The following QKI variants were observed in gnomAD, a reference collection of about 807,000 sequenced individuals.
QKI encodes the protein QKI, KH domain containing RNA binding, also known as KH domain-containing RNA-binding protein QKI.
QKI carries 10 observed loss-of-function variants against 39.0 expected under a neutral mutation model. That is an observed-to-expected ratio of 0.26 (90% CI 0.16 to 0.43). The LOEUF is 0.43. Among genes scored for constraint, QKI ranks in the 20% least tolerant of loss-of-function variants. The pLI is 1.00. For missense variants in QKI, 218 were observed against 428.0 expected (o/e 0.51, Z 4.33); for synonymous variants, 204 against 155.4 (o/e 1.31, Z -2.33).
chr6:163,499,955 C>G (rs1004418607), intron 3 of QKI, among the ~76,000 whole-genome samples: 2 of 152,062 alleles, frequency 1.3e-5, no homozygotes, highest in African/African-American at 4.8e-5. Flanking sequence ...AGGCTTTTAA[C>G]TAGGAGGGCC....
intron 3 of QKI, among the ~76,000 whole-genome samples, chr6:163,520,838 TATG>T (rs1345652060): frequency 6.6e-5 from 10 of 152,166 alleles, no homozygotes; most frequent in Admixed American, 6.5e-4. Context: ...CTAATCAAAT[TATG>T]ATGAAGGGTT....
At chr6:163,466,702 C>G (rs961683263) in intron 2 of QKI, among the ~76,000 whole-genome samples, 2 of 152,114 alleles carry the variant, frequency 1.3e-5, no homozygotes, top group African/African-American at 4.8e-5. Context: ...CCCTTACTTA[C>G]ACCGTACATA....
At chr6:163,521,030 G>GT (rs137916862) in intron 3 of QKI, among the ~76,000 whole-genome samples, 1 of 151,970 alleles carries the variant, frequency 6.6e-6, no homozygotes, top group Non-Finnish European at 1.5e-5. Flanking sequence ...ATTACCCTTG[G>GT]TTTTTTTCTG....
chr6:163,415,159 CGGCGGCGGG>C lies in QKI; in HGVS notation c.-34_-26del, dbSNP rs1313980470. ...CCCTCCTCTCCGGCGGCGGCGGCGGCGGCGGCGGGCGGAGTGAGCTGCGGAGCCTGGAAT... is the reference window on the plus strand; with the variant it reads ...CCCTCCTCTCCGGCGGCGGCGGCGGCCGGAGTGAGCTGCGGAGCCTGGAAT... On this transcript the variant is annotated 5_prime_UTR_variant, in exon 1 of 8. Coordinates refer to ENST00000361752, the MANE Select transcript of QKI (RefSeq NM_006775.3). 1 of 1,410,232 alleles carries C rather than the reference CGGCGGCGGG, an allele frequency of 7.1e-7. No homozygotes were observed. Among genetic ancestry groups the C allele is most frequent in the Admixed American group, 2.2e-5 (1 of 44,612 alleles). 87.4% of individuals were successfully genotyped at this position (1,410,232 alleles called of 1,614,324 possible).
intron 1 of QKI, among the ~76,000 whole-genome samples, chr6:163,443,566 T>C (rs377053831): frequency 5.3e-5 from 8 of 152,096 alleles, no homozygotes; most frequent in Non-Finnish European, 8.8e-5. Flanking sequence ...CTCAAAACAA[T>C]AACAACAACA....
intron 1 of QKI, among the ~76,000 whole-genome samples, chr6:163,443,109 A>C (rs1293661444): frequency 6.6e-6 from 1 of 152,232 alleles, no homozygotes; most frequent in Non-Finnish European, 1.5e-5. Context: ...CCATATTAAA[A>C]TAATGTTTTC....
At chr6:163,545,168 T>A (rs1486529558) in intron 4 of QKI, among the ~76,000 whole-genome samples, 6 of 152,122 alleles carry the variant, frequency 3.9e-5, no homozygotes, top group Non-Finnish European at 7.4e-5. Context: ...GGAAAAATGA[T>A]GGCGGAGAAA....
intron 4 of QKI, among the ~76,000 whole-genome samples, chr6:163,536,588 T>G (rs1250744720): frequency 1.3e-5 from 2 of 152,196 alleles, no homozygotes; most frequent in African/African-American, 2.4e-5. Context: ...GTTAGCGTCT[T>G]TTAAATTTTC....
intron 7 of QKI, chr6:163,567,733 A>AT (rs1363317184): frequency 1.4e-5 from 14 of 983,764 alleles, no homozygotes; most frequent in African/African-American, 3.5e-5. Flanking sequence ...GTAAAAAAGG[A>AT]TTTTTTACAA....
intron 1 of QKI, 54 bp downstream of exon 1, chr6:163,415,389 T>C: frequency 4.8e-6 from 7 of 1,457,586 alleles, no homozygotes; most frequent in Non-Finnish European, 5.5e-6. Flanking sequence ...GGCGGCCCCT[T>C]TCCCCGCTTG....
At chr6:163,471,634 A>C (rs1439757029) in intron 2 of QKI, among the ~76,000 whole-genome samples, 1 of 152,174 alleles carries the variant, frequency 6.6e-6, no homozygotes, top group Non-Finnish European at 1.5e-5. Flanking sequence ...TAGGGTGAAC[A>C]AGCATATAAC....
intron 3 of QKI, among the ~76,000 whole-genome samples, chr6:163,493,997 A>G (rs1778234457): frequency 6.6e-6 from 1 of 151,976 alleles, no homozygotes; most frequent in Admixed American, 6.6e-5. Flanking sequence ...ATAAAAAATT[A>G]TACATGCAGA....
chr6:163,518,694 T>C (rs1156870447), intron 3 of QKI, among the ~76,000 whole-genome samples: 2 of 152,182 alleles, frequency 1.3e-5, no homozygotes, highest in Non-Finnish European at 2.9e-5. Context: ...ACTGTTGTCA[T>C]TAAGGTCAAG....
intron 3 of QKI, among the ~76,000 whole-genome samples, chr6:163,480,993 A>G (rs6937097): frequency 0.079 from 12,004 of 152,282 alleles, 534 homozygotes; most frequent in Middle Eastern, 0.12. Context: ...CTCACAGACA[A>G]TGAGCATTAG....
chr6:163,500,908 T>G (rs1218420548), intron 3 of QKI, among the ~76,000 whole-genome samples: 1 of 152,172 alleles, frequency 6.6e-6, no homozygotes, highest in Non-Finnish European at 1.5e-5. Flanking sequence ...CAATTTTTGA[T>G]ACTTATGAAG....
At chr6:163,442,859 T>C (rs565943012) in intron 1 of QKI, among the ~76,000 whole-genome samples, 2 of 152,312 alleles carry the variant, frequency 1.3e-5, no homozygotes, top group African/African-American at 2.4e-5. Flanking sequence ...TTTTTAAATA[T>C]AGTATTTAGC....
intron 2 of QKI, among the ~76,000 whole-genome samples, chr6:163,471,722 C>T (rs943179355): frequency 3.3e-5 from 5 of 151,456 alleles, no homozygotes; most frequent in Non-Finnish European, 7.4e-5. Context: ...GAAAAAGAGG[C>T]AAGAAAGAAA....
chr6:163,501,166 T>C (rs563397350), intron 3 of QKI, among the ~76,000 whole-genome samples: 6 of 152,080 alleles, frequency 3.9e-5, no homozygotes, highest in Non-Finnish European at 7.3e-5. Flanking sequence ...AGATGGATAA[T>C]GTGAATTAAG....
chr6:163,570,216 T>C (rs1783619009), intron 7 of QKI: 1 of 983,052 alleles, frequency 1.0e-6, no homozygotes, highest in African/African-American at 1.7e-5. Flanking sequence ...GATTCATTTC[T>C]GTTAATCATC....
Sources: gnomAD v4.1 joint callset for allele counts (sites outside exome capture counted in the v4.1 genomes callset) on GRCh38, gnomAD v4.1.1 for gene constraint, MANE v1.5 for transcripts, NCBI Gene and HGNC (gene_info 2026-07-23, HGNC 2026-07-21) for gene names.